The following CARS2 variants were observed in gnomAD, a reference collection of about 807,000 sequenced individuals.
The protein encoded by CARS2 is probable cysteine--tRNA ligase, mitochondrial.
A neutral mutation model predicts 68.8 loss-of-function variants in CARS2; 52 were observed. That is an observed-to-expected ratio of 0.76 (90% CI 0.61 to 0.95). The LOEUF is 0.95. Ranked by LOEUF, CARS2 falls within the 40% of genes least tolerant of loss-of-function variation. The probability of loss-of-function intolerance (pLI) is 0.00; values close to 1 mark genes in which losing one functional copy is unlikely to be tolerated. For missense variants in CARS2, 780 were observed against 754.2 expected (o/e 1.03, Z -0.40); for synonymous variants, 314 against 303.6 (o/e 1.03, Z -0.36).
Position 110,685,295 on chromosome 13 carries a change from G to A in CARS2, c.572-2161C>T, listed in dbSNP as rs137901562. Among the ~76,000 whole-genome samples the A allele has an allele frequency of 6.7e-4, 102 of 151,568 alleles. 1 individual carries two copies. The East Asian group carries it at 0.017, about 25-fold the overall frequency. On this transcript the variant is annotated intron_variant, in intron 5 of 14. Transcript: ENST00000257347. ...ACTGCACTCCAGCCTAGGCGACAGA[G>A]CAAGACTCTGTCTCAAAAAAAAAAA...
At chr13:110,695,747 A>G (rs930108665) in intron 3 of CARS2, among the ~76,000 whole-genome samples, 2 of 152,080 alleles carry the variant, frequency 1.3e-5, no homozygotes, top group Non-Finnish European at 2.9e-5. Context: ...TACCTTCAAA[A>G]AAGTTTACAT....
intron 3 of CARS2, among the ~76,000 whole-genome samples, chr13:110,691,014 CTTTTCTTTT>C (rs1447401457): frequency 1.3e-5 from 2 of 151,926 alleles, no homozygotes; most frequent in Admixed American, 1.3e-4. Context: ...GTTAGGAATT[CTTTTCTTTT>C]TTTTCTTTTG....
intron 6 of CARS2, among the ~76,000 whole-genome samples, chr13:110,680,146 G>A (rs1043587823): frequency 9.5e-4 from 5 of 5,250 alleles, no homozygotes; most frequent in African/African-American, 3.0e-3. Flanking sequence ...TTGGGAGGCC[G>A]AGGGGGGGGG....
At chr13:110,642,784 G>A (rs540526856) in intron 13 of CARS2, 20 of 716,788 alleles carry the variant, frequency 2.8e-5, no homozygotes, top group Non-Finnish European at 4.8e-5. Flanking sequence ...AGAAAGGGCT[G>A]GGGGCTGCAT....
intron 3 of CARS2, among the ~76,000 whole-genome samples, chr13:110,696,749 T>C (rs756202746): frequency 2.6e-5 from 4 of 152,218 alleles, no homozygotes; most frequent in Admixed American, 6.5e-5. Flanking sequence ...AATCATAACA[T>C]TTTTAAAAAA....
In CARS2 at chr13:110,678,100, C is replaced by T. The variant is rs527397485; in HGVS notation, c.656-997G>A. 416 of 152,504 alleles carry T rather than the reference C, an allele frequency of 2.7e-3. 2 individuals carry two copies. Among genetic ancestry groups the T allele is most frequent in the Non-Finnish European group, 3.9e-3 (267 of 68,110 alleles). 9.4% of individuals were successfully genotyped at this position (152,504 alleles called of 1,614,324 possible). A position where few individuals can be genotyped will look rare whatever the true frequency, so the allele number is the denominator to read the frequency against. ...CAGATGCACCAGCGCACAGGGAGAGCTGGGCGGCCGGGAACCCACAGAGGC... is the reference window on the plus strand; with the variant it reads ...CAGATGCACCAGCGCACAGGGAGAGTTGGGCGGCCGGGAACCCACAGAGGC... On this transcript the variant is annotated intron_variant, in intron 6 of 14. Transcript: ENST00000257347.
intron 3 of CARS2, 56 bp from the exon 4 acceptor site, chr13:110,688,074 AC>A: frequency 8.2e-7 from 1 of 1,222,240 alleles, no homozygotes. Context: ...CAACAGAACC[AC>A]CCAGCCACAA....
At position 110,662,276 on chromosome 13, in the gene CARS2, G is replaced by A. The variant is rs977219098; in HGVS notation, c.987+1175C>T. On this transcript the variant is annotated intron_variant, in intron 9 of 14. Transcript: ENST00000257347. ...CTCTGCGTCATGCAACCCCGTGGCC[G>A]GGCTCCGACCCCCCTCTGCGTCATG... Among the ~76,000 whole-genome samples, 60 of 127,948 alleles carry A rather than the reference G, an allele frequency of 4.7e-4. 1 individual carries two copies. Among genetic ancestry groups the A allele is most frequent in the Non-Finnish European group, 6.9e-4 (42 of 60,706 alleles). The allele number at this position is 127,948 out of a possible 152,430, so 83.9% of individuals were successfully genotyped here.
chr13:110,664,781 G>T, intron 8 of CARS2: 1 of 395,466 alleles, frequency 2.5e-6, no homozygotes, highest in Non-Finnish European at 3.4e-6. Context: ...GGTCACAGGG[G>T]CAGAGCCAGT....
intron 3 of CARS2, 75 bp from the exon 4 acceptor site, chr13:110,688,093 C>T: frequency 9.9e-7 from 1 of 1,006,140 alleles, no homozygotes; most frequent in Non-Finnish European, 1.5e-6. Flanking sequence ...CAAGAAAGCC[C>T]ACGTGCACAA....
In CARS2 at chr13:110,705,848, G is replaced by T. The variant is rs1456010748; in HGVS notation, c.224+22C>A. On this transcript the variant is annotated intron_variant, in intron 1 of 14. Transcript: ENST00000257347. The surrounding 1 kb of genome is among the most constrained non-coding windows in gnomAD (Gnocchi z 4.0). ...TCCGCCACGATCGGCCCCCGCCCGTGCCCCAGTCCCGCGCGGCCCACCAGG... is the reference window on the plus strand; with the variant it reads ...TCCGCCACGATCGGCCCCCGCCCGTTCCCCAGTCCCGCGCGGCCCACCAGG... The T allele has an allele frequency of 6.5e-7, 1 of 1,542,866 alleles. No individual in the cohort carries two copies. The highest frequency in any genetic ancestry group is 1.4e-5 in the African/African-American group (1 of 73,248).
chr13:110,675,325 T>C (rs1295250622), intron 7 of CARS2, among the ~76,000 whole-genome samples: 7 of 152,296 alleles, frequency 4.6e-5, no homozygotes, highest in African/African-American at 1.7e-4. Context: ...CCACCAATGA[T>C]AGACTGGATT....
chr13:110,703,084 C>T (rs1786989018), intron 2 of CARS2, among the ~76,000 whole-genome samples: 1 of 152,132 alleles, frequency 6.6e-6, no homozygotes, highest in Non-Finnish European at 1.5e-5. Context: ...CCTGCTCCTC[C>T]CCCCTAGCAC....
intron 1 of CARS2, chr13:110,712,976 G>C (rs765558646): frequency 2.6e-6 from 4 of 1,558,152 alleles, no homozygotes. Context: ...GCCGCGGAAT[G>C]GGTAGGTCTC....
At chr13:110,697,480 T>TG (rs1207995289) in intron 3 of CARS2, among the ~76,000 whole-genome samples, 1 of 152,240 alleles carries the variant, frequency 6.6e-6, no homozygotes, top group Admixed American at 6.5e-5. Flanking sequence ...TCTCACCCTG[T>TG]GGCCCAGGCT....
In CARS2 at chr13:110,645,535, C is replaced by T. The variant is rs116919485; in HGVS notation, c.1317+432G>A. ...CCTGCCAAACACTTGCAGTGACCCA[C>T]GAGTCCAGGCTCAGACCCCTGGGTG... On this transcript the variant is annotated intron_variant, in intron 12 of 14. Coordinates refer to ENST00000257347, the MANE Select transcript of CARS2 (RefSeq NM_024537.4). 945 of 153,346 alleles carry T rather than the reference C, an allele frequency of 6.2e-3. 4 individuals are homozygous for T. The highest frequency in any genetic ancestry group is 0.01 in the Non-Finnish European group (700 of 68,804). The allele number at this position is 153,346 out of a possible 1,614,324, so 9.5% of individuals were successfully genotyped here. A position where few individuals can be genotyped will look rare whatever the true frequency, so the allele number is the denominator to read the frequency against.
intron 1 of CARS2, chr13:110,712,952 G>A: frequency 6.4e-7 from 1 of 1,560,234 alleles, no homozygotes; most frequent in East Asian, 2.4e-5. Flanking sequence ...TAGGCTGCTG[G>A]GAGTGGTGGT....
chr13:110,642,412 C>G lies in CARS2; in HGVS notation c.1526G>C (p.Gly509Ala). Residue 509 changes from glycine (G) to alanine (A), a missense_variant, in exon 14 of 15, where the codon GGG (glycine) becomes GCG (alanine). Physicochemically the swap from Gly to Ala is moderately conservative, Grantham distance 60. Transcript: ENST00000257347. ...TAGGAGCTGCTGCCGCCGGGCGTCC[C>G]CCGTGGCCTCGGGCATGGCCAGCGC... ...QFALAMPEAT[G>A]DARRQQLLER... 4.4e-6 allele frequency: 7 copies of G among 1,591,450 alleles called. No homozygotes were observed. The highest frequency in any genetic ancestry group is 6.0e-6 in the Non-Finnish European group (7 of 1,169,126).
At chr13:110,713,026 G>A (rs747997525) in intron 1 of CARS2, 30 of 1,498,370 alleles carry the variant, frequency 2.0e-5, no homozygotes, top group Admixed American at 1.5e-4. Flanking sequence ...ACACCGAGAG[G>A]GTGCCAGTGC....
Sources: gnomAD v4.1 joint callset for allele counts (sites outside exome capture counted in the v4.1 genomes callset) on GRCh38, gnomAD v4.1.1 for gene constraint, Gnocchi (gnomAD v3.1) non-coding constraint, MANE v1.5 for transcripts, NCBI Gene and HGNC (gene_info 2026-07-23, HGNC 2026-07-21) for gene names.